MECOM: variants seen among roughly 807,000 people sequenced by gnomAD.
The protein encoded by MECOM is histone-lysine N-methyltransferase MECOM.
MECOM carries 13 observed loss-of-function variants against 116.3 expected under a neutral mutation model. That is an observed-to-expected ratio of 0.11 (90% confidence interval 0.07 to 0.18). MECOM has a LOEUF of 0.18. MECOM is among the 10% of genes least tolerant of loss of function. MECOM has a pLI of 1.00. For synonymous variants in MECOM, 528 were observed against 535.2 expected (o/e 0.99, Z 0.19); for missense variants, 1,299 against 1,509.0 (o/e 0.86, Z 2.31).
intron 9 of MECOM, among the ~76,000 whole-genome samples, chr3:169,109,244 C>G (rs972523903): frequency 6.6e-6 from 1 of 152,180 alleles, no homozygotes; most frequent in Non-Finnish European, 1.5e-5. Flanking sequence ...GAAGCCTCTA[C>G]AACGCTTATT....
intron 2 of MECOM, among the ~76,000 whole-genome samples, chr3:169,318,557 A>T (rs1004005289): frequency 2.0e-5 from 3 of 152,172 alleles, no homozygotes; most frequent in African/African-American, 7.2e-5. Context: ...GTAAATCAAA[A>T]CCACAATGAG....
At chr3:169,444,411 G>T (rs1428186753) in intron 1 of MECOM, among the ~76,000 whole-genome samples, 2 of 152,038 alleles carry the variant, frequency 1.3e-5, no homozygotes, top group East Asian at 3.9e-4. Flanking sequence ...CATGGGGGCT[G>T]GTCCTTCCCG....
intron 2 of MECOM, among the ~76,000 whole-genome samples, chr3:169,371,252 C>T (rs1018330851): frequency 2.0e-5 from 3 of 151,722 alleles, no homozygotes; most frequent in Non-Finnish European, 2.9e-5. Context: ...GTGAAATAAG[C>T]CAAACACAAA....
intron 7 of MECOM, among the ~76,000 whole-genome samples, chr3:169,118,653 T>C (rs750110530): frequency 1.3e-5 from 2 of 152,156 alleles, no homozygotes; most frequent in African/African-American, 2.4e-5. Flanking sequence ...AGACATAAGT[T>C]TTTCAAAGAC....
chr3:169,472,962 A>T, intron 1 of MECOM: 1 of 983,790 alleles, frequency 1.0e-6, no homozygotes, highest in Non-Finnish European at 1.2e-6. Flanking sequence ...CCTACCTGGT[A>T]GTTATCAATA....
intron 1 of MECOM, among the ~76,000 whole-genome samples, chr3:169,423,035 C>T (rs774038114): frequency 3.3e-5 from 5 of 151,880 alleles, no homozygotes; most frequent in Non-Finnish European, 5.9e-5. Context: ...CTTCCCAAAC[C>T]GTAATGTACA....
intron 1 of MECOM, among the ~76,000 whole-genome samples, chr3:169,399,021 A>G (rs1735451828): frequency 6.6e-6 from 1 of 152,158 alleles, no homozygotes; most frequent in African/African-American, 2.4e-5. Flanking sequence ...TCCTTGCTTT[A>G]TGGATCACAA....
chr3:169,213,268 A>T (rs968643803), intron 2 of MECOM, among the ~76,000 whole-genome samples: 2 of 152,216 alleles, frequency 1.3e-5, no homozygotes, highest in Non-Finnish European at 2.9e-5. Context: ...GTCTTTATAG[A>T]AGTGAAAAAT....
intron 3 of MECOM, among the ~76,000 whole-genome samples, chr3:169,137,182 A>T (rs893038860): frequency 6.6e-6 from 1 of 152,038 alleles, no homozygotes; most frequent in Non-Finnish European, 1.5e-5. Context: ...CAGCAATTGG[A>T]GGGTGGGTAG....
chr3:169,084,077 G>A lies in MECOM; in HGVS notation c.*832C>T. 4.3e-6 allele frequency: 1 copy of A among 231,452 alleles called. No individual in the cohort carries two copies. Among genetic ancestry groups the A allele is most frequent in the Non-Finnish European group, 8.5e-6 (1 of 116,976 alleles). The allele number at this position is 231,452 out of a possible 1,614,324, so 14.3% of individuals were successfully genotyped here. On this transcript the variant is annotated 3_prime_UTR_variant, in exon 17 of 17. Coordinates refer to ENST00000651503, the MANE Select transcript of MECOM (RefSeq NM_004991.4). Reference sequence around the variant, plus strand: ...TAAAGTAGTGGCTGACTGGAACAGTGCTATTTTAATCAACAAACAATAGTT... The same window carrying A: ...TAAAGTAGTGGCTGACTGGAACAGTACTATTTTAATCAACAAACAATAGTT...
At chr3:169,116,853 T>G in intron 7 of MECOM, 114 bp from the exon 8 acceptor site, 3 of 1,338,574 alleles carry the variant, frequency 2.2e-6, no homozygotes, top group Non-Finnish European at 2.0e-6. Flanking sequence ...TAAAAGACAT[T>G]GGAGGCACCA....
chr3:169,408,776 C>A (rs747415236), intron 1 of MECOM, among the ~76,000 whole-genome samples: 1 of 151,970 alleles, frequency 6.6e-6, no homozygotes, highest in Non-Finnish European at 1.5e-5. Flanking sequence ...AAGCAAGTAA[C>A]GTAAGCAGGC....
At chr3:169,324,889 C>T (rs1721583773) in intron 2 of MECOM, among the ~76,000 whole-genome samples, 1 of 152,202 alleles carries the variant, frequency 6.6e-6, no homozygotes, top group African/African-American at 2.4e-5. Context: ...ACCCCCCTCC[C>T]TTCTCTGCCA....
intron 1 of MECOM, among the ~76,000 whole-genome samples, chr3:169,463,386 T>C (rs1747775129): frequency 6.6e-6 from 1 of 152,142 alleles, no homozygotes; most frequent in Admixed American, 6.6e-5. Context: ...ATGGTTAAGT[T>C]AGTTATTTCA....
intron 1 of MECOM, among the ~76,000 whole-genome samples, chr3:169,652,288 T>A (rs1381406520): frequency 1.3e-5 from 2 of 152,190 alleles, no homozygotes; most frequent in Non-Finnish European, 2.9e-5. Flanking sequence ...AGCTATTCCA[T>A]CCCTCCATTC....
chr3:169,550,687 C>T (rs923730580), intron 1 of MECOM, among the ~76,000 whole-genome samples: 5 of 152,216 alleles, frequency 3.3e-5, no homozygotes, highest in African/African-American at 1.2e-4. Flanking sequence ...TTTGCCACAG[C>T]TCACAAAATT....
chr3:169,115,357 T>A, intron 8 of MECOM, 26 bp downstream of exon 8: 1 of 1,599,416 alleles, frequency 6.3e-7, no homozygotes, highest in Non-Finnish European at 8.5e-7. Context: ...TCTGCTCATA[T>A]TTCGTCATCT....
rs1560202347 is a variant in MECOM at position 169,381,334 on chromosome 3, A to C, written c.228T>G (p.Ile76Met). The C allele has an allele frequency of 1.2e-6, 2 of 1,613,828 alleles. No individual in the cohort carries two copies. The highest frequency in any genetic ancestry group is 2.2e-5 in the South Asian group (2 of 91,070). ...ACTCTCGAAGTTCAAACTCAGCAGG[A>C]ATGGGGATATCATCAGGGATGTAGA... ...APIYIPDDIP[I>M]PAEFELRESN... Residue 76 changes from isoleucine to methionine, a missense_variant, in exon 2 of 17, where the codon ATT becomes ATG. Coordinates refer to ENST00000651503, the MANE Select transcript of MECOM (RefSeq NM_004991.4).
chr3:169,583,183 C>T (rs1172761967), intron 1 of MECOM, among the ~76,000 whole-genome samples: 1 of 152,164 alleles, frequency 6.6e-6, no homozygotes, highest in Non-Finnish European at 1.5e-5. Flanking sequence ...ACCTGGCACA[C>T]CATGAGTAGC....
Sources: gnomAD v4.1 joint callset for allele counts (sites outside exome capture counted in the v4.1 genomes callset) on GRCh38, gnomAD v4.1.1 for gene constraint, MANE v1.5 for transcripts, NCBI Gene and HGNC (gene_info 2026-07-23, HGNC 2026-07-21) for gene names.